Variants in IQCE observed in about 807,000 individuals in gnomAD.
IQCE encodes the protein IQ domain-containing protein E.
IQCE carries 115 observed loss-of-function variants against 96.0 expected under a neutral mutation model. The observed-to-expected ratio is 1.20, with a 90% CI of 1.03 to 1.40. The LOEUF (loss-of-function observed/expected upper bound fraction) is 1.40, where lower values mean the gene tolerates loss of function less well. IQCE is among the 40% of genes most tolerant of loss of function. The probability of loss-of-function intolerance (pLI) is 0.00; values close to 1 mark genes in which losing one functional copy is unlikely to be tolerated. For missense variants in IQCE, 1,041 were observed against 909.1 expected (o/e 1.15, Z -1.87); for synonymous variants, 412 against 371.2 (o/e 1.11, Z -1.26).
At chr7:2,599,867 C>T (rs2128467731) in intron 17 of IQCE, among the ~76,000 whole-genome samples, 1 of 151,704 alleles carries the variant, frequency 6.6e-6, no homozygotes, top group South Asian at 2.1e-4. Flanking sequence ...GATCTCAGCT[C>T]ACTGCAACCT....
At chr7:2,574,778 TCC>T (rs1781997234) in intron 6 of IQCE, among the ~76,000 whole-genome samples, 1 of 152,224 alleles carries the variant, frequency 6.6e-6, no homozygotes, top group Non-Finnish European at 1.5e-5. Context: ...TGTTTTCCCC[TCC>T]GTCTTCCCTC....
intron 1 of IQCE, among the ~76,000 whole-genome samples, chr7:2,566,067 G>A (rs1420482624): frequency 2.0e-5 from 3 of 152,086 alleles, no homozygotes; most frequent in Non-Finnish European, 4.4e-5. Flanking sequence ...GATACTGCGT[G>A]GACTCAGCTA....
intron 1 of IQCE, among the ~76,000 whole-genome samples, chr7:2,561,785 A>G (rs1475643332): frequency 1.3e-5 from 2 of 152,204 alleles, no homozygotes; most frequent in African/African-American, 2.4e-5. Flanking sequence ...TATTATGTTT[A>G]CTAGTTTTTT....
chr7:2,585,391 T>TCTGTTTAAAGACACC (rs1328725847), intron 11 of IQCE, among the ~76,000 whole-genome samples: 5 of 152,236 alleles, frequency 3.3e-5, no homozygotes, highest in Non-Finnish European at 7.3e-5. Context: ...AACATGTGTC[T>TCTGTTTAAAGACACC]CTGTTTAAAG....
chr7:2,572,314 T>C lies in IQCE; in HGVS notation c.382T>C (p.Ser128Pro). ...FRVKRPHLRR[S>P]ASNGHVPGTP... ...AGTGAAGAGGCCACATCTCAGGCGCTCTGCCAGCAACGGTGAGCATGCCGA... is the reference window on the plus strand; with the variant it reads ...AGTGAAGAGGCCACATCTCAGGCGCCCTGCCAGCAACGGTGAGCATGCCGA... Residue 128 changes from serine (S) to proline (P), a missense_variant, in exon 5 of 22, where the codon TCT becomes CCT. Physicochemically the swap from Ser to Pro is moderately conservative, Grantham distance 74. Transcript: ENST00000402050. The C allele has an allele frequency of 6.2e-7, 1 of 1,613,886 alleles. No homozygotes were observed. The highest frequency in any genetic ancestry group is 8.5e-7 in the Non-Finnish European group (1 of 1,179,912).
At chr7:2,578,617 G>C (rs907646331) in intron 8 of IQCE, 91 bp downstream of exon 8, 118 of 1,383,754 alleles carry the variant, frequency 8.5e-5, no homozygotes, top group Non-Finnish European at 1.2e-4. Context: ...CAGCACCCAC[G>C]CGTGAAGAGC....
chr7:2,579,700 GGTGTGTGTGTGTGTGTGTGT>G (rs68086038), intron 8 of IQCE, among the ~76,000 whole-genome samples: 1 of 133,006 alleles, frequency 7.5e-6, no homozygotes, highest in Non-Finnish European at 1.6e-5. Context: ...TTGTTCTGGT[GGTGTGTGTGTGTGTGTGTGT>G]GTGTGTGTGT....
intron 1 of IQCE, among the ~76,000 whole-genome samples, chr7:2,565,990 C>A (rs1206123857): frequency 6.6e-6 from 1 of 152,208 alleles, no homozygotes; most frequent in African/African-American, 2.4e-5. Flanking sequence ...GCAAAATTGG[C>A]ACTTCATGTA....
chr7:2,591,616 A>AT (rs766125885), intron 14 of IQCE, among the ~76,000 whole-genome samples: 3,339 of 118,600 alleles, frequency 0.028, 103 homozygotes, highest in African/African-American at 0.06. Context: ...TCTGCGGGTG[A>AT]TTTTTTTTTT....
intron 20 of IQCE, 84 bp from the exon 21 acceptor site, chr7:2,607,040 C>A: frequency 1.5e-6 from 2 of 1,294,608 alleles, no homozygotes; most frequent in African/African-American, 1.5e-5. Context: ...TGCCTCCAAG[C>A]AAATTACTGA....
At position 2,598,371 on chromosome 7, in the gene IQCE, C is replaced by T. The variant is rs1215351651; in HGVS notation, c.1441-94C>T. ...AGTGAGACTCACCTGATAAGCGCAGCCGCACCATGCCGGGTAATATCCTGT... is the reference window on the plus strand; with the variant it reads ...AGTGAGACTCACCTGATAAGCGCAGTCGCACCATGCCGGGTAATATCCTGT... On this transcript the variant is annotated intron_variant, in intron 16 of 21. Coordinates refer to ENST00000402050, the MANE Select transcript of IQCE (RefSeq NM_152558.5). 7.9e-6 allele frequency: 10 copies of T among 1,258,884 alleles called. No homozygotes were observed. The African/African-American group carries it at 1.1e-4, about 13-fold the overall frequency. The allele number at this position is 1,258,884 out of a possible 1,614,324, so 78.0% of individuals were successfully genotyped here.
rs193061373 is a variant in IQCE at position 2,594,769 on chromosome 7, A to G, written c.1350-117A>G. On this transcript the variant is annotated intron_variant, in intron 15 of 21. Coordinates refer to ENST00000402050, the MANE Select transcript of IQCE (RefSeq NM_152558.5). Reference sequence around the variant, plus strand: ...GGAGACATGGCCCCACCAGCTCTCTACAGGCTGCCTGGTGTCCCCCTGTCT... The same window carrying G: ...GGAGACATGGCCCCACCAGCTCTCTGCAGGCTGCCTGGTGTCCCCCTGTCT... 282 of 750,738 alleles carry G rather than the reference A, an allele frequency of 3.8e-4. No individual in the cohort carries two copies. In the African/African-American group the frequency reaches 4.2e-3, roughly 11 times the overall value. 46.5% of individuals were successfully genotyped at this position (750,738 alleles called of 1,614,324 possible). A position where few individuals can be genotyped will look rare whatever the true frequency, so the allele number is the denominator to read the frequency against.
At chr7:2,592,914 A>G (rs911617639) in intron 14 of IQCE, 108 bp from the exon 15 acceptor site, 5 of 1,216,446 alleles carry the variant, frequency 4.1e-6, no homozygotes, top group Non-Finnish European at 5.7e-6. Context: ...CCCACCATCC[A>G]CTGTCCTAAG....
At position 2,559,000 on chromosome 7, in the gene IQCE, A is replaced by T. The variant is rs1182730532; in HGVS notation, c.-182A>T. On this transcript the variant is annotated 5_prime_UTR_variant, in exon 1 of 22. Coordinates refer to ENST00000402050, the MANE Select transcript of IQCE (RefSeq NM_152558.5). ...CTCTGCGCACGCGCATGGTCGCCCC[A>T]GGGGGAACGCAGGTCGCTTACCCGG... 5 of 322,234 alleles carry T rather than the reference A, an allele frequency of 1.6e-5. No individual in the cohort carries two copies. Among genetic ancestry groups the T allele is most frequent in the Non-Finnish European group, 2.8e-5 (5 of 180,130 alleles). The allele number at this position is 322,234 out of a possible 1,614,324, so 20.0% of individuals were successfully genotyped here.
intron 11 of IQCE, 86 bp from the exon 12 acceptor site, chr7:2,586,122 A>G: frequency 1.6e-6 from 2 of 1,275,380 alleles, no homozygotes; most frequent in South Asian, 3.0e-5. Context: ...CAACAGAGCA[A>G]GCTGTGATTC....
intron 5 of IQCE, 39 bp downstream of exon 5, chr7:2,572,365 G>T (rs1388688457): frequency 6.3e-7 from 1 of 1,599,776 alleles, no homozygotes. Context: ...GGCCAAGGAA[G>T]AGCAGAAAGG....
chr7:2,600,872 G>A (rs1784387318), intron 17 of IQCE, among the ~76,000 whole-genome samples: 1 of 152,164 alleles, frequency 6.6e-6, no homozygotes, highest in Non-Finnish European at 1.5e-5. Flanking sequence ...ATGCTCCGAG[G>A]GACCCTCTCT....
chr7:2,610,143 C>G lies in IQCE; in HGVS notation c.2069C>G (p.Thr690Arg), dbSNP rs1061566. 6.2e-6 allele frequency: 10 copies of G among 1,608,016 alleles called. No homozygotes were observed. Among genetic ancestry groups the G allele is most frequent in the Non-Finnish European group, 6.8e-6 (8 of 1,174,494 alleles). Residue 690 changes from threonine to arginine, a missense_variant, in exon 22 of 22, where the codon ACG (threonine) becomes AGG (arginine). Transcript: ENST00000402050. ...DDIVIAPSLP[T>R]KNFPV ...ATTGTCATTGCACCGTCTCTGCCCA[C>G]GAAGAACTTTCCAGTTTAGGTCCCC...
chr7:2,585,958 A>G (rs1387600547), intron 11 of IQCE, among the ~76,000 whole-genome samples: 1 of 152,182 alleles, frequency 6.6e-6, no homozygotes, highest in Non-Finnish European at 1.5e-5. Context: ...TATAATACTG[A>G]TGGTTGAACA....
Sources: allele counts gnomAD v4.1 joint callset (sites outside exome capture counted in the v4.1 genomes callset), GRCh38; gene constraint gnomAD v4.1.1; transcripts MANE v1.5; gene names NCBI Gene and HGNC (gene_info 2026-07-23, HGNC 2026-07-21).